SMCO2: variants seen among roughly 807,000 people sequenced by gnomAD.
The protein encoded by SMCO2 is single-pass membrane protein with coiled-coil domains 2, also known as single-pass membrane and coiled-coil domain-containing protein 2.
Under a neutral mutation model 29.5 loss-of-function variants are expected in SMCO2, and 25 were observed. The observed-to-expected ratio is 0.85, with a 90% CI of 0.62 to 1.18. The LOEUF (loss-of-function observed/expected upper bound fraction) is 1.18, where lower values mean the gene tolerates loss of function less well. Ranked by LOEUF, SMCO2 falls within the 50% of genes most tolerant of loss-of-function variation. SMCO2 has a pLI of 0.00. For missense variants in SMCO2, 348 were observed against 344.5 expected (o/e 1.01, Z -0.08); for synonymous variants, 117 against 123.3 (o/e 0.95, Z 0.34).
chr12:27,475,721 A>G, intron 4 of SMCO2: 1 of 1,546,840 alleles, frequency 6.5e-7, no homozygotes, highest in Non-Finnish European at 8.7e-7. Flanking sequence ...AACAGAAAAC[A>G]CAGTGAAGAG....
At chr12:27,478,847 CG>C (rs1212911978) in intron 4 of SMCO2, among the ~76,000 whole-genome samples, 5 of 152,038 alleles carry the variant, frequency 3.3e-5, no homozygotes, top group Non-Finnish European at 7.4e-5. Context: ...GCTGGCAACA[CG>C]GGGGGCGGGC....
At chr12:27,466,619 A>G (rs1268218353), upstream of SMCO2, among the ~76,000 whole-genome samples, 4 of 152,148 alleles carry the variant, frequency 2.6e-5, no homozygotes, top group East Asian at 7.7e-4. Flanking sequence ...ATGGGTGGAC[A>G]GAGGGCTGGG....
At chr12:27,458,888 GAAA>G in the SMCO2 span, among the ~76,000 whole-genome samples, 3,846 of 76,826 alleles carry the variant, frequency 0.05, 75 homozygotes, top group Non-Finnish European at 0.072. Flanking sequence ...ACTCTATCTC[GAAA>G]AAAAAAAAAA....
chr12:27,470,652 C>T, exon 2 of SMCO2: 1 of 1,551,062 alleles, frequency 6.4e-7, no homozygotes, highest in Non-Finnish European at 8.7e-7. Context: ...CGCCCACAAA[C>T]CTAAATAACA....
At chr12:27,475,195 T>C (rs427601) in intron 4 of SMCO2, among the ~76,000 whole-genome samples, 18,298 of 152,142 alleles carry the variant, frequency 0.12, 2,126 homozygotes, top group African/African-American at 0.28. Flanking sequence ...ATTTTCTAGA[T>C]AGGAAAACCA....
chr12:27,465,238 G>A (rs902567929), upstream of SMCO2, among the ~76,000 whole-genome samples: 1 of 152,054 alleles, frequency 6.6e-6, no homozygotes, highest in African/African-American at 2.4e-5. Flanking sequence ...AATTAAATTA[G>A]GTAATATATG....
the SMCO2 span, among the ~76,000 whole-genome samples, chr12:27,425,612 G>T: frequency 1.3e-5 from 2 of 152,024 alleles, no homozygotes; most frequent in African/African-American, 4.8e-5. Context: ...GACCCTCTCC[G>T]CATAATGACA....
the SMCO2 span, among the ~76,000 whole-genome samples, chr12:27,450,498 C>T: frequency 1.3e-5 from 2 of 152,186 alleles, no homozygotes; most frequent in East Asian, 3.8e-4. Context: ...TCAGTGCAAA[C>T]AGTGTGCTGA....
Position 27,498,805 on chromosome 12 carries a change from C to T in SMCO2, c.683+2950C>T, listed in dbSNP as rs139613256. Reference sequence around the variant, plus strand: ...CATTTCTTCAAAGAAGACACACAAACGGTCAACAAGCACATGAAAAGATGT... The same window carrying T: ...CATTTCTTCAAAGAAGACACACAAATGGTCAACAAGCACATGAAAAGATGT... On this transcript the variant is annotated intron_variant, in intron 7 of 7. Transcript: ENST00000298876. Among the ~76,000 whole-genome samples the T allele has an allele frequency of 4.0e-4, 60 of 150,244 alleles. 4 individuals are homozygous for T. Among genetic ancestry groups the T allele is most frequent in the African/African-American group, 1.3e-3 (53 of 40,088 alleles).
intron 2 of SMCO2, among the ~76,000 whole-genome samples, chr12:27,471,325 T>G (rs949449102): frequency 1.3e-5 from 2 of 152,140 alleles, no homozygotes; most frequent in Non-Finnish European, 2.9e-5. Flanking sequence ...TTGGGCAGTT[T>G]TTCATATAAG....
At chr12:27,497,115 C>G (rs1436500647) in intron 7 of SMCO2, 1 of 156,144 alleles carries the variant, frequency 6.4e-6, no homozygotes, top group Non-Finnish European at 1.5e-5. Flanking sequence ...ACAGTTTCAC[C>G]TCCTATTGGA....
At chr12:27,468,229 C>T (rs1405955592) in intron 1 of SMCO2, among the ~76,000 whole-genome samples, 7 of 152,148 alleles carry the variant, frequency 4.6e-5, no homozygotes, top group African/African-American at 7.2e-5. Flanking sequence ...ACTGATGGAT[C>T]GTAGCAAACA....
At chr12:27,499,027 T>G (rs1399170523) in intron 7 of SMCO2, among the ~76,000 whole-genome samples, 1 of 150,782 alleles carries the variant, frequency 6.6e-6, no homozygotes, top group African/African-American at 2.5e-5. Context: ...TGAAAACAAC[T>G]TGGCAGTTTC....
intron 2 of SMCO2, 138 bp downstream of exon 2, chr12:27,470,903 A>G: frequency 9.5e-7 from 1 of 1,048,338 alleles, no homozygotes; most frequent in Non-Finnish European, 1.3e-6. Context: ...ATCTAATTTT[A>G]ATCTCATGAA....
chr12:27,434,908 C>T, the SMCO2 span, among the ~76,000 whole-genome samples: 9 of 152,124 alleles, frequency 5.9e-5, no homozygotes, highest in African/African-American at 2.2e-4. Flanking sequence ...GAGGCGGCAC[C>T]TGCTACCAGG....
the SMCO2 span, among the ~76,000 whole-genome samples, chr12:27,440,781 A>C: frequency 6.6e-6 from 1 of 151,982 alleles, no homozygotes; most frequent in Non-Finnish European, 1.5e-5. Flanking sequence ...CAGCATAAAA[A>C]CCTATAGTAG....
chr12:27,464,099 C>T (rs1456997351), upstream of SMCO2, among the ~76,000 whole-genome samples: 1 of 152,114 alleles, frequency 6.6e-6, no homozygotes, highest in Non-Finnish European at 1.5e-5. Flanking sequence ...AATAGAATCC[C>T]CAAAAACCAA....
chr12:27,458,756 A>T, the SMCO2 span, among the ~76,000 whole-genome samples: 1 of 151,952 alleles, frequency 6.6e-6, no homozygotes, highest in Non-Finnish European at 1.5e-5. Context: ...GCATGGTGGC[A>T]GGCGCCTGTA....
At chr12:27,431,961 A>G in the SMCO2 span, among the ~76,000 whole-genome samples, 1 of 152,034 alleles carries the variant, frequency 6.6e-6, no homozygotes, top group African/African-American at 2.4e-5. Context: ...TGTTTATTGG[A>G]TAGTAGCCAT....
Sources: gnomAD v4.1 joint callset for allele counts (sites outside exome capture counted in the v4.1 genomes callset) on GRCh38, gnomAD v4.1.1 for gene constraint, MANE v1.5 for transcripts, NCBI Gene and HGNC (gene_info 2026-07-23, HGNC 2026-07-21) for gene names.